Variants in SLC24A3 observed in about 807,000 individuals in gnomAD.
The protein encoded by SLC24A3 is solute carrier family 24 member 3, also known as sodium/potassium/calcium exchanger 3.
SLC24A3 carries 28 observed loss-of-function variants against 75.8 expected under a neutral mutation model. That is an observed-to-expected ratio of 0.37 (90% CI 0.27 to 0.51). SLC24A3 has a LOEUF of 0.51. Ranked by LOEUF, SLC24A3 falls within the 20% of genes least tolerant of loss-of-function variation. The pLI is 0.94. For missense variants in SLC24A3, 663 were observed against 847.8 expected, an observed-to-expected ratio of 0.78 and a Z score of 2.71; for synonymous variants, 372 against 334.1, an observed-to-expected ratio of 1.11 and a Z score of -1.24.
chr20:19,358,307 A>G (rs1425226037), intron 2 of SLC24A3, among the ~76,000 whole-genome samples: 1 of 152,108 alleles, frequency 6.6e-6, no homozygotes, highest in African/African-American at 2.4e-5. Flanking sequence ...ATTGGACTCA[A>G]CATCCACCCG....
At chr20:19,711,582 A>G (rs1289056760) in intron 15 of SLC24A3, among the ~76,000 whole-genome samples, 1 of 152,216 alleles carries the variant, frequency 6.6e-6, no homozygotes, top group Non-Finnish European at 1.5e-5. Flanking sequence ...GTGCATGCTC[A>G]CATGCAAACA....
At chr20:19,491,240 C>T (rs1444308229) in intron 2 of SLC24A3, among the ~76,000 whole-genome samples, 1 of 152,204 alleles carries the variant, frequency 6.6e-6, no homozygotes, top group Non-Finnish European at 1.5e-5. Flanking sequence ...CTGTGCACCC[C>T]TCCCTGTCCT....
At chr20:19,296,750 T>C (rs1984071284) in intron 2 of SLC24A3, among the ~76,000 whole-genome samples, 2 of 152,208 alleles carry the variant, frequency 1.3e-5, no homozygotes, top group South Asian at 4.1e-4. Context: ...GTGGACCTGA[T>C]AGACATCTAC....
chr20:19,452,617 T>C (rs2122484241), intron 2 of SLC24A3, among the ~76,000 whole-genome samples: 1 of 152,150 alleles, frequency 6.6e-6, no homozygotes, highest in Non-Finnish European at 1.5e-5. Context: ...TCATAGAGCA[T>C]CATACAGGGG....
At chr20:19,468,722 G>T (rs779973290) in intron 2 of SLC24A3, among the ~76,000 whole-genome samples, 30 of 152,172 alleles carry the variant, frequency 2.0e-4, no homozygotes, top group Admixed American at 1.4e-3. Context: ...CAGGCTTGTT[G>T]TCTTCTCTGG....
At chr20:19,714,546 T>G (rs1199156845) in intron 15 of SLC24A3, among the ~76,000 whole-genome samples, 1 of 151,770 alleles carries the variant, frequency 6.6e-6, no homozygotes, top group African/African-American at 2.4e-5. Flanking sequence ...GCCTGTCACA[T>G]CCTGGTGGAA....
intron 9 of SLC24A3, among the ~76,000 whole-genome samples, chr20:19,680,531 C>T (rs2032601752): frequency 6.6e-6 from 1 of 152,248 alleles, no homozygotes; most frequent in African/African-American, 2.4e-5. Context: ...TGCTCAGTGT[C>T]TGCATCCATT....
chr20:19,546,180 A>C (rs1272208195), intron 3 of SLC24A3, among the ~76,000 whole-genome samples: 2 of 148,630 alleles, frequency 1.3e-5, no homozygotes, highest in African/African-American at 4.9e-5. Flanking sequence ...AAAAAAAAAA[A>C]AAAAAAAACC....
At chr20:19,438,129 A>T (rs1032549932) in intron 2 of SLC24A3, among the ~76,000 whole-genome samples, 1 of 152,148 alleles carries the variant, frequency 6.6e-6, no homozygotes, top group Non-Finnish European at 1.5e-5. Flanking sequence ...TGAAATGATA[A>T]GTGAGAAAAT....
intron 2 of SLC24A3, among the ~76,000 whole-genome samples, chr20:19,291,556 G>A (rs911196444): frequency 5.3e-5 from 8 of 152,232 alleles, no homozygotes; most frequent in African/African-American, 1.9e-4. Context: ...TCCTACGGAC[G>A]CTTCTGAGGT....
intron 2 of SLC24A3, among the ~76,000 whole-genome samples, chr20:19,448,106 T>C (rs902703460): frequency 5.9e-5 from 9 of 152,224 alleles, no homozygotes; most frequent in African/African-American, 2.2e-4. Flanking sequence ...GTTCCAGTCA[T>C]CCCTTCCTCC....
intron 2 of SLC24A3, among the ~76,000 whole-genome samples, chr20:19,299,693 G>A (rs1339678277): frequency 6.6e-6 from 1 of 152,192 alleles, no homozygotes; most frequent in Non-Finnish European, 1.5e-5. Flanking sequence ...TGAGTCCTGA[G>A]TAGAAGTTAG....
At chr20:19,606,833 A>G (rs2031603985) in intron 6 of SLC24A3, among the ~76,000 whole-genome samples, 3 of 152,212 alleles carry the variant, frequency 2.0e-5, no homozygotes, top group Non-Finnish European at 2.9e-5. Context: ...GCAAGTCCAC[A>G]CAGTGAAGAA....
intron 2 of SLC24A3, among the ~76,000 whole-genome samples, chr20:19,437,496 T>C (rs928069620): frequency 2.6e-5 from 4 of 152,198 alleles, no homozygotes; most frequent in Admixed American, 6.5e-5. Context: ...TATTTCCTTA[T>C]AGCAATGTGA....
chr20:19,257,807 ACTC>A (rs1164886856), intron 1 of SLC24A3: 1 of 151,864 alleles, frequency 6.6e-6, no homozygotes, highest in Non-Finnish European at 1.5e-5. Context: ...TTTCCTGTTT[ACTC>A]CTTCTACTGC....
chr20:19,688,144 C>A (rs1045285818), intron 12 of SLC24A3, among the ~76,000 whole-genome samples: 1 of 152,144 alleles, frequency 6.6e-6, no homozygotes, highest in Admixed American at 6.5e-5. Context: ...CCAGGGCTTC[C>A]TTAATGAAAT....
intron 2 of SLC24A3, among the ~76,000 whole-genome samples, chr20:19,335,891 TC>T (rs897436960): frequency 6.6e-6 from 1 of 152,200 alleles, no homozygotes; most frequent in Non-Finnish European, 1.5e-5. Flanking sequence ...GCCATCTTTC[TC>T]CCTTATTTTG....
chr20:19,385,038 T>G (rs1986249246), intron 2 of SLC24A3, among the ~76,000 whole-genome samples: 1 of 152,234 alleles, frequency 6.6e-6, no homozygotes, highest in African/African-American at 2.4e-5. Flanking sequence ...TTCTAGATAT[T>G]AATGCCTTAT....
intron 2 of SLC24A3, among the ~76,000 whole-genome samples, chr20:19,382,364 T>G (rs1915031814): frequency 6.6e-6 from 1 of 152,162 alleles, no homozygotes; most frequent in African/African-American, 2.4e-5. Flanking sequence ...TGAAGCTGTA[T>G]CAGAATTAGT....
Sources: gnomAD v4.1 joint callset for allele counts (sites outside exome capture counted in the v4.1 genomes callset) on GRCh38, gnomAD v4.1.1 for gene constraint, MANE v1.5 for transcripts, NCBI Gene and HGNC (gene_info 2026-07-23, HGNC 2026-07-21) for gene names.